The following HTRA3 variants were observed in gnomAD, a reference collection of about 807,000 sequenced individuals.
The protein encoded by HTRA3 is HtrA serine peptidase 3, also known as serine protease HTRA3.
In HTRA3, 41 loss-of-function variants were observed where a neutral mutation model predicts 43.2. The observed-to-expected ratio is 0.95, with a 90% CI of 0.74 to 1.23. The LOEUF (loss-of-function observed/expected upper bound fraction) is 1.23. HTRA3 is among the 50% of genes most tolerant of loss of function. The probability of loss-of-function intolerance (pLI) is 0.00; values close to 1 mark genes in which losing one functional copy is unlikely to be tolerated. For synonymous variants in HTRA3, 295 were observed against 287.9 expected, an observed-to-expected ratio of 1.02 and a Z score of -0.25; for missense variants, 628 against 647.1, an observed-to-expected ratio of 0.97 and a Z score of 0.32.
At chr4:8,275,184 C>T (rs34276401) in intron 1 of HTRA3, among the ~76,000 whole-genome samples, 18,289 of 152,186 alleles carry the variant, frequency 0.12, 1,236 homozygotes, top group East Asian at 0.24. Flanking sequence ...GAGACCAGGG[C>T]GCTGTGCAGC....
rs900307957 is a variant in HTRA3 at position 8,279,925 on chromosome 4, C to A, written c.386-2512C>A. On this transcript the variant is annotated intron_variant, in intron 1 of 8. Coordinates refer to ENST00000307358, the MANE Select transcript of HTRA3 (RefSeq NM_053044.5). This position sits in a 1 kb window ranked among gnomAD's most constrained non-coding sequence, Gnocchi z 7.4. ...CCCAGCTGAACCACTGTGTCTCCAG[C>A]AGCTGTCACAGGTGGGCACACAGGA... Among the ~76,000 whole-genome samples, 5 of 152,224 alleles carry A rather than the reference C, an allele frequency of 3.3e-5. No individual in the cohort carries two copies. The highest frequency in any genetic ancestry group is 7.3e-5 in the Non-Finnish European group (5 of 68,034).
chr4:8,298,638 G>T (rs1466442502), intron 6 of HTRA3, among the ~76,000 whole-genome samples: 1 of 152,102 alleles, frequency 6.6e-6, no homozygotes, highest in Non-Finnish European at 1.5e-5. Flanking sequence ...TGAGGTTTCA[G>T]ATTTAGGACT....
chr4:8,280,377 C>T (rs533132709), intron 1 of HTRA3, among the ~76,000 whole-genome samples: 4 of 152,222 alleles, frequency 2.6e-5, no homozygotes, highest in East Asian at 3.9e-4. Flanking sequence ...TGGGTCTGAG[C>T]GCATCTTGTG....
intron 1 of HTRA3, among the ~76,000 whole-genome samples, chr4:8,271,737 G>C (rs6854283): frequency 1.5e-5 from 2 of 137,078 alleles, no homozygotes; most frequent in African/African-American, 5.3e-5. Flanking sequence ...GGACAAGGCC[G>C]AACGCTGCCT....
At chr4:8,278,661 G>A (rs749049685) in intron 1 of HTRA3, among the ~76,000 whole-genome samples, 1 of 152,136 alleles carries the variant, frequency 6.6e-6, no homozygotes. Context: ...ACCACCCACC[G>A]AGGTCCGCTT....
At position 8,286,516 on chromosome 4, in the gene HTRA3, T is replaced by C. The variant is rs1712972629; in HGVS notation, c.486-45T>C. 1 of 1,558,858 alleles carries C rather than the reference T, an allele frequency of 6.4e-7. No individual in the cohort carries two copies. Among genetic ancestry groups the C allele is most frequent in the African/African-American group, 1.4e-5 (1 of 73,844 alleles). On this transcript the variant is annotated intron_variant, in intron 2 of 8. Transcript: ENST00000307358. The surrounding 1 kb of genome is among the most constrained non-coding windows in gnomAD (Gnocchi z 4.9). ...CACCACTGCGCCTGACTCCCCCGCG[T>C]CCTAGCCCCACCCTAAATGCCCGCC...
intron 3 of HTRA3, among the ~76,000 whole-genome samples, chr4:8,288,504 A>G (rs1713086245): frequency 6.6e-6 from 1 of 151,032 alleles, no homozygotes; most frequent in Non-Finnish European, 1.5e-5. Flanking sequence ...TGAACTCCCA[A>G]CCACAGGTGA....
chr4:8,283,208 G>A (rs987196630), intron 2 of HTRA3, among the ~76,000 whole-genome samples: 13 of 152,212 alleles, frequency 8.5e-5, no homozygotes, highest in African/African-American at 3.1e-4. Context: ...CAATGGATGA[G>A]TAAAAGAATG....
Position 8,306,457 on chromosome 4 carries a change from C to A in HTRA3, c.*321C>A. ...CTCCTCTCCTAGCTTCCCGCCTCTG[C>A]CCCTGTGAACACCCATCTGCAGTAT... On this transcript the variant is annotated 3_prime_UTR_variant, in exon 9 of 9. Coordinates refer to ENST00000307358, the MANE Select transcript of HTRA3 (RefSeq NM_053044.5). The surrounding 1 kb of genome is among the most constrained non-coding windows in gnomAD (Gnocchi z 8.9). The A allele has an allele frequency of 3.8e-6, 1 of 261,154 alleles. No homozygotes were observed. The highest frequency in any genetic ancestry group is 8.8e-5 in the East Asian group (1 of 11,300). The allele number at this position is 261,154 out of a possible 1,614,324, so 16.2% of individuals were successfully genotyped here.
rs764168741 is a variant in HTRA3, at chr4:8,286,773, T to A, written c.698T>A (p.Ile233Asn). 25 of 1,613,190 alleles carry A rather than the reference T, an allele frequency of 1.5e-5. No homozygotes were observed. Among genetic ancestry groups the A allele is most frequent in the Non-Finnish European group, 1.9e-5 (23 of 1,179,526 alleles). The change falls in exon 3 of 9, where the codon ATC becomes AAC. Residue 233 changes from isoleucine (I) to asparagine (N), a missense_variant. By Grantham distance (149) the Ile-to-Asn change is moderately radical (BLOSUM62 -3). Transcript: ENST00000307358. The surrounding 1 kb of genome is among the most constrained non-coding windows in gnomAD (Gnocchi z 4.9). ...AAGTCGGACATTGCCACCATCAAGATCCATCCCAAGGTGGGTGGGCGTGGG... is the reference window on the plus strand; with the variant it reads ...AAGTCGGACATTGCCACCATCAAGAACCATCCCAAGGTGGGTGGGCGTGGG... ...DKKSDIATIK[I>N]HPKKKLPVLL... is the part of the protein sequence containing the mutation.
chr4:8,306,660 T>G lies in HTRA3; in HGVS notation c.*524T>G, dbSNP rs2153007722. The G allele has an allele frequency of 6.7e-6, 1 of 148,206 alleles. No individual in the cohort carries two copies. The highest frequency in any genetic ancestry group is 2.0e-4 in the East Asian group (1 of 5,072). The allele number at this position is 148,206 out of a possible 1,614,324, so 9.2% of individuals were successfully genotyped here. A position where few individuals can be genotyped will look rare whatever the true frequency, so the allele number is the denominator to read the frequency against. ...GGAGGACAGGTCACATCTGATCCCT[T>G]TGGGGTGCGGGGGTGGGGTCCAGCC... On this transcript the variant is annotated 3_prime_UTR_variant, in exon 9 of 9. Coordinates refer to ENST00000307358, the MANE Select transcript of HTRA3 (RefSeq NM_053044.5). The surrounding 1 kb of genome is among the most constrained non-coding windows in gnomAD (Gnocchi z 8.9).
chr4:8,282,554 G>A lies in HTRA3; in HGVS notation c.485+18G>A, dbSNP rs373167523. 131 of 1,557,186 alleles carry A rather than the reference G, an allele frequency of 8.4e-5. No homozygotes were observed. Among genetic ancestry groups the A allele is most frequent in the Middle Eastern group, 6.7e-4 (4 of 5,946 alleles). On this transcript the variant is annotated intron_variant, in intron 2 of 8. Coordinates refer to ENST00000307358, the MANE Select transcript of HTRA3 (RefSeq NM_053044.5). Reference sequence around the variant, plus strand: ...TTCCTGAGGTGGGTGAATACCCCTCGCCCCTCTCTGCCTCCTGGTGTCCCC... The same window carrying A: ...TTCCTGAGGTGGGTGAATACCCCTCACCCCTCTCTGCCTCCTGGTGTCCCC...
chr4:8,297,379 T>A lies in HTRA3; in HGVS notation c.1051+3178T>A, dbSNP rs530901641. Among the ~76,000 whole-genome samples the A allele has an allele frequency of 6.6e-6, 1 of 152,304 alleles. No individual in the cohort carries two copies. Among genetic ancestry groups the A allele is most frequent in the East Asian group, 1.9e-4 (1 of 5,164 alleles). Reference sequence around the variant, plus strand: ...TGCTTTCCCGCCCGCACAGTGGGTCTAAGTCAGAGGGGACCACAGTCATTG... The same window carrying A: ...TGCTTTCCCGCCCGCACAGTGGGTCAAAGTCAGAGGGGACCACAGTCATTG... On this transcript the variant is annotated intron_variant, in intron 6 of 8. Transcript: ENST00000307358. This position sits in a 1 kb window ranked among gnomAD's most constrained non-coding sequence, Gnocchi z 5.8.
chr4:8,271,668 A>G (rs949338060), intron 1 of HTRA3, among the ~76,000 whole-genome samples: 4 of 152,168 alleles, frequency 2.6e-5, no homozygotes, highest in Non-Finnish European at 5.9e-5. Flanking sequence ...TTGTCTGGTG[A>G]GGGCTGCACT....
chr4:8,273,676 C>A (rs974660454), intron 1 of HTRA3, among the ~76,000 whole-genome samples: 5 of 152,072 alleles, frequency 3.3e-5, no homozygotes, highest in Non-Finnish European at 5.9e-5. Flanking sequence ...TCTTCCCAGC[C>A]CCACTGAAAG....
At chr4:8,273,341 C>A (rs1435713169) in intron 1 of HTRA3, among the ~76,000 whole-genome samples, 1 of 152,160 alleles carries the variant, frequency 6.6e-6, no homozygotes, top group Non-Finnish European at 1.5e-5. Flanking sequence ...TGCTGGGTGC[C>A]GGTCACACTT....
chr4:8,300,738 ACT>A (rs1307029936), intron 6 of HTRA3, among the ~76,000 whole-genome samples: 27 of 151,704 alleles, frequency 1.8e-4, no homozygotes, highest in Non-Finnish European at 2.9e-4. Context: ...ATTGATTTAC[ACT>A]CTTCATTGAT....
intron 1 of HTRA3, among the ~76,000 whole-genome samples, chr4:8,272,315 C>T (rs970909597): frequency 3.3e-5 from 5 of 152,134 alleles, no homozygotes; most frequent in South Asian, 2.1e-4. Context: ...CACAGACCAT[C>T]GAGGGGACAG....
At chr4:8,294,770 C>T (rs544602458) in intron 6 of HTRA3, among the ~76,000 whole-genome samples, 2,301 of 146,606 alleles carry the variant, frequency 0.016, 80 homozygotes, top group African/African-American at 0.055. Flanking sequence ...ACCCATCCAC[C>T]TATCCATCCA....
Sources: allele counts gnomAD v4.1 joint callset (sites outside exome capture counted in the v4.1 genomes callset), GRCh38; gene constraint gnomAD v4.1.1; non-coding constraint Gnocchi (gnomAD v3.1); transcripts MANE v1.5; gene names NCBI Gene and HGNC (gene_info 2026-07-23, HGNC 2026-07-21).